The following TBL1X variants were observed in gnomAD, a reference collection of about 807,000 sequenced individuals.
TBL1X encodes the protein transducin beta like 1 X-linked.
In TBL1X, 10 loss-of-function variants were observed where a neutral mutation model predicts 50.7. The ratio of observed to expected loss-of-function variants is 0.20; its 90% CI spans 0.12 to 0.33. TBL1X has a LOEUF of 0.33. Among genes scored for constraint, TBL1X ranks in the 10% least tolerant of loss-of-function variants. TBL1X has a pLI of 1.00. For missense variants in TBL1X, 340 were observed against 504.4 expected (o/e 0.67, Z 3.12); for synonymous variants, 190 against 214.7 (o/e 0.88, Z 1.01).
intron 2 of TBL1X, among the ~76,000 whole-genome samples, chrX:9,528,723 G>A (rs1393742389): frequency 9.8e-6 from 1 of 102,144 alleles, no homozygotes; most frequent in Non-Finnish European, 2.0e-5. Flanking sequence ...GGGGCGGGGG[G>A]TGCTGCTTTG....
intron 2 of TBL1X, among the ~76,000 whole-genome samples, chrX:9,586,441 A>C (rs929958067): frequency 4.4e-5 from 5 of 112,771 alleles, no homozygotes; most frequent in Non-Finnish European, 9.4e-5. Flanking sequence ...TCTAAAGTAC[A>C]CAAATTCGTA....
chrX:9,551,910 A>G (rs951397826), intron 2 of TBL1X, among the ~76,000 whole-genome samples: 1 of 111,640 alleles, frequency 9.0e-6, no homozygotes, highest in African/African-American at 3.3e-5. Flanking sequence ...GGTGACCCCC[A>G]CTGCAGGGGG....
Position 9,704,976 on chromosome X carries a change from C to T in TBL1X, c.1115-17C>T, listed in dbSNP as rs756421165. 1.7e-6 allele frequency: 2 copies of T among 1,211,115 alleles called. No homozygotes were observed. The highest frequency in any genetic ancestry group is 2.2e-6 in the Non-Finnish European group (2 of 895,473). On this transcript the variant is annotated splice_polypyrimidine_tract_variant and intron_variant, in intron 12 of 17. Coordinates refer to ENST00000645353, the MANE Select transcript of TBL1X (RefSeq NM_005647.4). Reference sequence around the variant, plus strand: ...GCAACAGTGAGTAACTCCAGATGTCCTCCCTCCCTACTGCAGCCCCTGCCC... The same window carrying T: ...GCAACAGTGAGTAACTCCAGATGTCTTCCCTCCCTACTGCAGCCCCTGCCC...
intron 2 of TBL1X, among the ~76,000 whole-genome samples, chrX:9,583,395 T>C (rs1055887126): frequency 8.9e-6 from 1 of 112,526 alleles, no homozygotes; most frequent in African/African-American, 3.2e-5. Context: ...TATAAGGTCA[T>C]ATTCACAGAG....
intron 2 of TBL1X, among the ~76,000 whole-genome samples, chrX:9,621,639 A>G (rs542241436): frequency 1.8e-5 from 2 of 112,481 alleles, no homozygotes; most frequent in South Asian, 7.3e-4. Context: ...AGTTTTTACT[A>G]ACAACCACAA....
At chrX:9,468,843 TTTTA>T (rs1352096502) in intron 1 of TBL1X, among the ~76,000 whole-genome samples, 5 of 110,784 alleles carry the variant, frequency 4.5e-5, no homozygotes, top group Admixed American at 2.9e-4. Context: ...CTCATTTAGT[TTTTA>T]TTTATTTGTT....
intron 2 of TBL1X, among the ~76,000 whole-genome samples, chrX:9,628,991 C>T (rs1047049422): frequency 1.8e-5 from 2 of 112,827 alleles, no homozygotes; most frequent in African/African-American, 6.4e-5. Context: ...TGAGGTTGCC[C>T]TCAGGCACCT....
intron 2 of TBL1X, chrX:9,560,495 C>G (rs2681652): frequency 0.46 from 50,636 of 111,260 alleles, 9,389 homozygotes; most frequent in Admixed American, 0.62. Flanking sequence ...TTCTCACTTT[C>G]ACTCTGGAAT....
intron 2 of TBL1X, among the ~76,000 whole-genome samples, chrX:9,608,253 G>A (rs1211997372): frequency 3.6e-5 from 4 of 111,661 alleles, no homozygotes; most frequent in African/African-American, 1.3e-4. Flanking sequence ...CACTGTTGCT[G>A]TTGACCTTGA....
At chrX:9,556,210 C>CAAAAAA (rs56824855) in intron 2 of TBL1X, among the ~76,000 whole-genome samples, 1 of 102,052 alleles carries the variant, frequency 9.8e-6, no homozygotes, top group Non-Finnish European at 2.0e-5. Flanking sequence ...CAAAACAAAA[C>CAAAAAA]AAAAAAAACA....
intron 1 of TBL1X, among the ~76,000 whole-genome samples, chrX:9,491,336 ATATTTTTT>A (rs1450803964): frequency 4.0e-4 from 10 of 25,301 alleles, no homozygotes; most frequent in African/African-American, 1.4e-3. Flanking sequence ...ATATATATAT[ATATTTTTT>A]TTTTTTTTTT....
intron 2 of TBL1X, among the ~76,000 whole-genome samples, chrX:9,574,744 T>C (rs923834054): frequency 9.0e-6 from 1 of 111,566 alleles, no homozygotes; most frequent in Non-Finnish European, 1.9e-5. Flanking sequence ...AGGGTGGAAC[T>C]GGCCTGTGCT....
intron 12 of TBL1X, among the ~76,000 whole-genome samples, chrX:9,699,124 G>T (rs2083153490): frequency 9.0e-6 from 1 of 111,606 alleles, no homozygotes; most frequent in Admixed American, 9.5e-5. Flanking sequence ...GGGATTACAG[G>T]CATGCACCAC....
chrX:9,699,308 C>T (rs1354514151), intron 12 of TBL1X, among the ~76,000 whole-genome samples: 1 of 111,789 alleles, frequency 8.9e-6, no homozygotes, highest in African/African-American at 3.3e-5. Flanking sequence ...TTAGACGTGG[C>T]CTCTTAAAAC....
At chrX:9,701,216 G>T (rs1346549170) in intron 12 of TBL1X, among the ~76,000 whole-genome samples, 1 of 111,512 alleles carries the variant, frequency 9.0e-6, no homozygotes, top group African/African-American at 3.3e-5. Flanking sequence ...GGAGACACAG[G>T]ACCTCTCTGT....
chrX:9,661,763 G>A (rs942219987), intron 5 of TBL1X, among the ~76,000 whole-genome samples: 2 of 111,326 alleles, frequency 1.8e-5, no homozygotes, highest in Non-Finnish European at 3.8e-5. Flanking sequence ...GACCCAGCAA[G>A]TTCACAGCGG....
At chrX:9,599,670 C>T (rs1291860378) in intron 2 of TBL1X, among the ~76,000 whole-genome samples, 1 of 112,487 alleles carries the variant, frequency 8.9e-6, no homozygotes, top group Non-Finnish European at 1.9e-5. Context: ...TTATACAAGG[C>T]TCTGGCCATA....
In TBL1X at chrX:9,473,320, AG is replaced by A. The variant is rs2081829208; in HGVS notation, c.-201+7874del. Among the ~76,000 whole-genome samples, 4 of 112,470 alleles carry A rather than the reference AG, an allele frequency of 3.6e-5. No individual in the cohort carries two copies. The Middle Eastern group carries it at 0.014, about 387-fold the overall frequency. On this transcript the variant is annotated intron_variant, in intron 1 of 17. Transcript: ENST00000645353. ...TTCTTTTTTCAACAGAATCTTATCA[AG>A]CATTTGAATCGTACACAACTGTAAT...
At chrX:9,707,643 T>C (rs1359777778) in intron 13 of TBL1X, among the ~76,000 whole-genome samples, 8 of 112,733 alleles carry the variant, frequency 7.1e-5, no homozygotes, top group Non-Finnish European at 7.5e-5. Context: ...GGACAGCCAG[T>C]GGTGACCAGC....
Sources: gnomAD v4.1 joint callset for allele counts (sites outside exome capture counted in the v4.1 genomes callset) on GRCh38, gnomAD v4.1.1 for gene constraint, MANE v1.5 for transcripts, NCBI Gene and HGNC (gene_info 2026-07-23, HGNC 2026-07-21) for gene names.